Variants in GPR108 observed in about 807,000 individuals in gnomAD.
The protein encoded by GPR108 is protein GPR108.
A neutral mutation model predicts 74.3 loss-of-function variants in GPR108; 60 were observed. That is an observed-to-expected ratio of 0.81 (90% CI 0.66 to 1.00). The LOEUF is 1.00. Ranked by LOEUF, GPR108 falls within the 50% of genes least tolerant of loss-of-function variation. GPR108 has a pLI of 0.00. For missense variants in GPR108, 667 were observed against 703.3 expected, an observed-to-expected ratio of 0.95 and a Z score of 0.58; for synonymous variants, 311 against 292.4, an observed-to-expected ratio of 1.06 and a Z score of -0.65.
Position 6,732,470 on chromosome 19 carries a change from A to C in GPR108, c.1007+6T>G. 6.2e-7 allele frequency: 1 copy of C among 1,613,576 alleles called. No individual in the cohort carries two copies. The highest frequency in any genetic ancestry group is 1.1e-5 in the South Asian group (1 of 91,070). On this transcript the variant is annotated splice_donor_region_variant and intron_variant, in intron 11 of 17. Transcript: ENST00000264080. ...CCAGCTGCCCAGCAGAGTGGGGGAC[A>C]CTCACAGGTGTGCGATGTAGTACAT... is the stretch of plus-strand genomic sequence containing the variant.
Position 6,731,210 on chromosome 19 carries a change from A to G in GPR108, c.1423T>C (p.Trp475Arg). ...GGCCTCGGGCTCACCTGGTACAGCC[A>G]CTGCCACTGAAAGGGCACAGCCACC... ...LQVAVPFQWQ[W>R]LYQLLVEGST... The change falls in exon 16 of 18, where the codon TGG becomes CGG. Residue 475 changes from tryptophan to arginine, a missense_variant. Transcript: ENST00000264080. The G allele has an allele frequency of 6.3e-7, 1 of 1,580,620 alleles. No homozygotes were observed. The highest frequency in any genetic ancestry group is 8.6e-7 in the Non-Finnish European group (1 of 1,160,172).
rs1641488154 is a variant in GPR108 at position 6,730,334 on chromosome 19, G to A, written c.1610C>T (p.Ala537Val). Residue 537 changes from alanine to valine, a missense_variant, in exon 18 of 18, where the codon GCC (alanine) becomes GTC (valine). Transcript: ENST00000264080. ...TGATCATAACAGTTCCCGCCCGCTG[G>A]CTGTTTTGTTGACTTTGGAGAGGCC... ...REGLSKVNKT[A>V]SGRELL is the part of the protein sequence containing the mutation. 6.2e-7 allele frequency: 1 copy of A among 1,613,814 alleles called. No homozygotes were observed. The highest frequency in any genetic ancestry group is 8.5e-7 in the Non-Finnish European group (1 of 1,179,862).
intron 17 of GPR108, 53 bp from the exon 18 acceptor site, chr19:6,730,437 C>T: frequency 6.7e-7 from 1 of 1,493,760 alleles, no homozygotes; most frequent in Admixed American, 1.7e-5. Context: ...CAGGCCCCAC[C>T]CACTCTACCC....
At position 6,732,284 on chromosome 19, in the gene GPR108, A is replaced by G. The variant is rs1244817457; in HGVS notation, c.1104T>C (p.Phe368=). The change falls in exon 12 of 18, where the codon TTT becomes TTC. Residue 368 remains phenylalanine, a synonymous_variant. Coordinates refer to ENST00000264080, the MANE Select transcript of GPR108 (RefSeq NM_001080452.2). The part of the protein sequence containing the change: ...YVLSDKEKKV[F]GIVIPMQVLA... ...GCACCTGCATGGGGATCACGATCCC[A>G]AAGACCTTCTTCTCCTTATCCGACA... 1.2e-6 allele frequency: 2 copies of G among 1,612,754 alleles called. No individual in the cohort carries two copies. Among genetic ancestry groups the G allele is most frequent in the African/African-American group, 2.7e-5 (2 of 75,050 alleles).
chr19:6,732,544 G>A lies in GPR108; in HGVS notation c.939C>T (p.Asn313=). Residue 313 remains asparagine (N), a synonymous_variant, in exon 11 of 18, where the codon AAC becomes AAT. Transcript: ENST00000264080. ...KSISLLFHSI[N]YYFINSQGHP... ...GGCCCTGGCTGTTGATGAAGTAGTA[G>A]TTGATCTGGGGGTGGATGGACAGAC... The A allele has an allele frequency of 6.2e-7, 1 of 1,613,202 alleles. No individual in the cohort carries two copies. The highest frequency in any genetic ancestry group is 8.5e-7 in the Non-Finnish European group (1 of 1,179,630).
chr19:6,731,859 T>C (rs538175556), intron 14 of GPR108, 32 bp downstream of exon 14: 1 of 1,609,856 alleles, frequency 6.2e-7, no homozygotes, highest in Non-Finnish European at 8.5e-7. Context: ...AATGGGGCCA[T>C]GAGCAGAGGG....
rs760172256 is a variant in GPR108, at chr19:6,732,457, C to T, written c.1007+19G>A. 1 of 1,612,950 alleles carries T rather than the reference C, an allele frequency of 6.2e-7. No homozygotes were observed. Among genetic ancestry groups the T allele is most frequent in the Non-Finnish European group, 8.5e-7 (1 of 1,179,212 alleles). ...TGCCTGCCTCCCCCCAGCTGCCCAG[C>T]AGAGTGGGGGACACTCACAGGTGTG... On this transcript the variant is annotated intron_variant, in intron 11 of 17. Coordinates refer to ENST00000264080, the MANE Select transcript of GPR108 (RefSeq NM_001080452.2).
At chr19:6,731,385 G>A (rs1054455293) in intron 15 of GPR108, 88 bp downstream of exon 15, 33 of 1,483,828 alleles carry the variant, frequency 2.2e-5, no homozygotes, top group Middle Eastern at 4.1e-4. Flanking sequence ...TGGGGGCCTC[G>A]GGATGGGGCA....
intron 14 of GPR108, 54 bp downstream of exon 14, chr19:6,731,837 G>A (rs1968417398): frequency 1.1e-5 from 18 of 1,598,238 alleles, no homozygotes; most frequent in Non-Finnish European, 1.5e-5. Context: ...AGAAAGAAGG[G>A]CCCGGAGGAG....
chr19:6,737,481 C>A lies in GPR108; in HGVS notation c.96G>T (p.Gly32=), dbSNP rs776423681. ...CCGTCAGCGCCAGCTGGTGGATGCGCCCGGAGCAGCCACCCAGCAGCAGCA... is the reference window on the plus strand; with the variant it reads ...CCGTCAGCGCCAGCTGGTGGATGCGACCGGAGCAGCCACCCAGCAGCAGCA... The part of the protein sequence containing the change: ...LLVLLLGGCS[G]RIHQLALTGE... Residue 32 remains glycine (G), a synonymous_variant, in exon 1 of 18, where the codon GGG becomes GGT. Transcript: ENST00000264080. 26 of 1,587,034 alleles carry A rather than the reference C, an allele frequency of 1.6e-5. No homozygotes were observed. Among genetic ancestry groups the A allele is most frequent in the Middle Eastern group, 1.7e-4 (1 of 5,988 alleles).
At position 6,732,259 on chromosome 19, in the gene GPR108, G is replaced by A. The variant is rs769717084; in HGVS notation, c.1125+4C>T. On this transcript the variant is annotated splice_donor_region_variant and intron_variant, in intron 12 of 17. Transcript: ENST00000264080. Reference sequence around the variant, plus strand: ...CCCTGCTCCGGAGGCTGCTCCATCCGCACCTGCATGGGGATCACGATCCCA... The same window carrying A: ...CCCTGCTCCGGAGGCTGCTCCATCCACACCTGCATGGGGATCACGATCCCA... The A allele has an allele frequency of 5.6e-6, 9 of 1,611,634 alleles. No homozygotes were observed. The highest frequency in any genetic ancestry group is 1.7e-5 in the Admixed American group (1 of 60,032).
chr19:6,735,311 T>C lies in GPR108; in HGVS notation c.374+311A>G, dbSNP rs1968588957. ...TTTCTTGTCTGAAGAGCGGAGATGA[T>C]CACAGGATAAGGAATGGGTGAGTTA... On this transcript the variant is annotated intron_variant, in intron 4 of 17. Coordinates refer to ENST00000264080, the MANE Select transcript of GPR108 (RefSeq NM_001080452.2). The C allele has an allele frequency of 1.6e-5, 4 of 248,258 alleles. No homozygotes were observed. In the East Asian group the frequency reaches 3.6e-4, roughly 22 times the overall value. The allele number at this position is 248,258 out of a possible 1,614,324, so 15.4% of individuals were successfully genotyped here.
intron 3 of GPR108, 100 bp from the exon 4 acceptor site, chr19:6,735,804 T>C (rs911201647): frequency 2.0e-6 from 3 of 1,524,088 alleles, no homozygotes; most frequent in Non-Finnish European, 2.7e-6. Flanking sequence ...TTCCTGCTCC[T>C]GCCTCTGACA....
At position 6,732,554 on chromosome 19, in the gene GPR108, G is replaced by T. The variant is rs1401283058; in HGVS notation, c.934-5C>A. The T allele has an allele frequency of 3.1e-6, 5 of 1,613,072 alleles. No homozygotes were observed. The South Asian group carries it at 4.4e-5, about 14-fold the overall frequency. On this transcript the variant is annotated splice_region_variant and splice_polypyrimidine_tract_variant and intron_variant, in intron 10 of 17. Transcript: ENST00000264080. ...GTTGATGAAGTAGTAGTTGATCTGG[G>T]GGTGGATGGACAGACGGACAGTGAG...
chr19:6,736,827 G>A, intron 1 of GPR108, 116 bp from the exon 2 acceptor site: 2 of 1,409,668 alleles, frequency 1.4e-6, no homozygotes, highest in Non-Finnish European at 1.9e-6. Context: ...TTTAGGACAG[G>A]CCCAGAGGAT....
At chr19:6,736,733 G>GAGGC in intron 1 of GPR108, 22 bp from the exon 2 acceptor site, 1 of 1,613,840 alleles carries the variant, frequency 6.2e-7, no homozygotes, top group African/African-American at 1.3e-5. Flanking sequence ...CAAGGAGGCA[G>GAGGC]AGGCAGTTCA....
rs780243963 is a variant in GPR108 at position 6,730,195 on chromosome 19, G to T, written c.*117C>A. ...CTTGTCCGGGAACCGGGGTCCCGGG[G>T]AGCTGGGCGCCTGGTCCACATGGAC... is the stretch of plus-strand genomic sequence containing the variant. On this transcript the variant is annotated 3_prime_UTR_variant, in exon 18 of 18. Coordinates refer to ENST00000264080, the MANE Select transcript of GPR108 (RefSeq NM_001080452.2). The T allele has an allele frequency of 1.0e-6, 1 of 953,182 alleles. No individual in the cohort carries two copies. Among genetic ancestry groups the T allele is most frequent in the Admixed American group, 1.9e-5 (1 of 51,456 alleles). The allele number at this position is 953,182 out of a possible 1,614,324, so 59.0% of individuals were successfully genotyped here.
Position 6,732,139 on chromosome 19 carries a change from G to A in GPR108, c.1142C>T (p.Ala381Val), listed in dbSNP as rs951783331. ...CTCGCGGGACTCGATGATGATGTAG[G>A]CCACGTTGGCCAGGACCTGCGCAGG... ...VIPMQVLANV[A>V]YIIIESREEG... Residue 381 changes from alanine (A) to valine (V), a missense_variant, in exon 13 of 18, where the codon GCC (alanine) becomes GTC (valine). Ala to Val is a moderately conservative substitution (Grantham distance 64, BLOSUM62 0). Transcript: ENST00000264080. 3 of 1,613,596 alleles carry A rather than the reference G, an allele frequency of 1.9e-6. No homozygotes were observed. The African/African-American group carries it at 4.0e-5, about 22-fold the overall frequency.
chr19:6,731,086 G>A lies in GPR108; in HGVS notation c.1460C>T (p.Ala487Val), dbSNP rs775414863. 3 of 1,613,338 alleles carry A rather than the reference G, an allele frequency of 1.9e-6. No homozygotes were observed. In the African/African-American group the frequency reaches 4.0e-5, roughly 22 times the overall value. Residue 487 changes from alanine (A) to valine (V), a missense_variant, in exon 17 of 18, where the codon GCC becomes GTC. Ala to Val is a moderately conservative substitution (Grantham distance 64, BLOSUM62 0). Transcript: ENST00000264080. ...CTTGTAGCCCGTGAGCACGAAGAAG[G>A]CCAGGGTGGAGCCCTCCACCAAGAG... ...YQLLVEGSTLAFFVLTGYKFQ... is the reference protein window; with the variant it reads ...YQLLVEGSTLVFFVLTGYKFQ...
Sources: gnomAD v4.1 joint callset for allele counts on GRCh38, gnomAD v4.1.1 for gene constraint, MANE v1.5 for transcripts, NCBI Gene and HGNC (gene_info 2026-07-23, HGNC 2026-07-21) for gene names.